Variants in ATG10 observed in about 807,000 individuals in gnomAD.
The protein encoded by ATG10 is autophagy related 10.
Under a neutral mutation model 32.1 loss-of-function variants are expected in ATG10, and 30 were observed. That is an observed-to-expected ratio of 0.94 (90% CI 0.70 to 1.27). ATG10 has a LOEUF of 1.27. Among genes scored for constraint, ATG10 ranks in the 50% most tolerant of loss-of-function variants. ATG10 has a pLI of 0.00. For synonymous variants in ATG10, 87 were observed against 91.5 expected, an observed-to-expected ratio of 0.95 and a Z score of 0.28; for missense variants, 233 against 262.3, an observed-to-expected ratio of 0.89 and a Z score of 0.77.
At chr5:82,021,350 A>G (rs1236111020) in intron 2 of ATG10, among the ~76,000 whole-genome samples, 1 of 152,010 alleles carries the variant, frequency 6.6e-6, no homozygotes, top group Non-Finnish European at 1.5e-5. Flanking sequence ...CCCTGGGGGG[A>G]TTGGATCCAG....
intron 3 of ATG10, among the ~76,000 whole-genome samples, chr5:82,099,534 G>A (rs1282531220): frequency 6.6e-6 from 1 of 151,962 alleles, no homozygotes; most frequent in African/African-American, 2.4e-5. Flanking sequence ...TGACAATGAA[G>A]GTAATATCCA....
intron 2 of ATG10, among the ~76,000 whole-genome samples, chr5:82,013,523 A>T (rs1446638844): frequency 5.3e-5 from 8 of 152,146 alleles, no homozygotes; most frequent in Admixed American, 2.0e-4. Context: ...CTCTGAGTAG[A>T]TACCCAGGTT....
chr5:81,980,493 T>C (rs1333522510), intron 1 of ATG10, among the ~76,000 whole-genome samples: 2 of 152,192 alleles, frequency 1.3e-5, no homozygotes, highest in East Asian at 1.9e-4. Flanking sequence ...CTCTTTATGT[T>C]AGCTTGGAAA....
chr5:82,175,814 A>G (rs1468552615), intron 4 of ATG10, among the ~76,000 whole-genome samples: 1 of 151,834 alleles, frequency 6.6e-6, no homozygotes, highest in African/African-American at 2.4e-5. Flanking sequence ...TCACCATAGT[A>G]TGTATCACCT....
chr5:82,044,629 A>G (rs1371025347), intron 2 of ATG10, among the ~76,000 whole-genome samples: 1 of 152,066 alleles, frequency 6.6e-6, no homozygotes, highest in Non-Finnish European at 1.5e-5. Flanking sequence ...CAAGGGTTGA[A>G]TTGCGACGGC....
chr5:82,038,971 G>A (rs943188534), intron 2 of ATG10, among the ~76,000 whole-genome samples: 3 of 152,104 alleles, frequency 2.0e-5, no homozygotes, highest in South Asian at 2.1e-4. Flanking sequence ...CCTCAGCCTC[G>A]TGAGTAGCTG....
At chr5:81,975,677 C>T (rs1267816904) in intron 1 of ATG10, among the ~76,000 whole-genome samples, 3 of 149,126 alleles carry the variant, frequency 2.0e-5, no homozygotes, top group African/African-American at 7.6e-5. Flanking sequence ...GTGAGACCCC[C>T]CTCTCAAAAA....
chr5:82,235,290 G>A (rs1396058574), intron 5 of ATG10, among the ~76,000 whole-genome samples: 1 of 152,158 alleles, frequency 6.6e-6, no homozygotes, highest in Non-Finnish European at 1.5e-5. Flanking sequence ...TCACAGATTT[G>A]GAGTGGGTTC....
intron 3 of ATG10, among the ~76,000 whole-genome samples, chr5:82,154,733 C>A (rs1199005714): frequency 6.6e-6 from 1 of 152,210 alleles, no homozygotes; most frequent in Non-Finnish European, 1.5e-5. Flanking sequence ...TATTTAAAAG[C>A]AACAACCACA....
chr5:82,162,050 A>G (rs1743370537), intron 3 of ATG10, among the ~76,000 whole-genome samples: 1 of 152,140 alleles, frequency 6.6e-6, no homozygotes, highest in Non-Finnish European at 1.5e-5. Context: ...GTTGAAAGAA[A>G]ACAGAAAGTG....
chr5:81,973,139 CT>C (rs539043941), intron 1 of ATG10: 12 of 151,922 alleles, frequency 7.9e-5, no homozygotes, highest in Admixed American at 2.0e-4. Context: ...TTTTTCTTTT[CT>C]TTTTTTTGAG....
intron 5 of ATG10, among the ~76,000 whole-genome samples, chr5:82,235,717 G>A (rs1460132120): frequency 6.6e-6 from 1 of 152,190 alleles, no homozygotes; most frequent in Non-Finnish European, 1.5e-5. Context: ...TTTTTTTAAA[G>A]TGGATGTTTT....
At chr5:82,090,923 A>G (rs966401459) in intron 3 of ATG10, among the ~76,000 whole-genome samples, 1 of 152,210 alleles carries the variant, frequency 6.6e-6, no homozygotes, top group African/African-American at 2.4e-5. Flanking sequence ...GCTTTTTAAT[A>G]TAATTAGGAA....
At chr5:81,997,921 C>T (rs187972979) in intron 2 of ATG10, among the ~76,000 whole-genome samples, 2 of 152,270 alleles carry the variant, frequency 1.3e-5, no homozygotes, top group East Asian at 3.9e-4. Flanking sequence ...TCATTGGTAT[C>T]CCTGAAAGAG....
At chr5:82,244,284 T>G (rs992919195) in intron 5 of ATG10, among the ~76,000 whole-genome samples, 4 of 152,204 alleles carry the variant, frequency 2.6e-5, no homozygotes, top group Non-Finnish European at 5.9e-5. Flanking sequence ...AGTCAGGAAC[T>G]ATCTTAGACA....
At chr5:82,119,236 A>G (rs1765943906) in intron 3 of ATG10, among the ~76,000 whole-genome samples, 2 of 152,162 alleles carry the variant, frequency 1.3e-5, no homozygotes, top group Admixed American at 1.3e-4. Flanking sequence ...GCAGTGTATA[A>G]TCTGTTTTTT....
At chr5:81,983,270 TG>T (rs1761121812) in intron 1 of ATG10, among the ~76,000 whole-genome samples, 1 of 132,796 alleles carries the variant, frequency 7.5e-6, no homozygotes, top group African/African-American at 2.9e-5. Context: ...ACGGGGTGGC[TG>T]GCTGGGCGGG....
At chr5:82,058,722 A>G in intron 3 of ATG10, 120 bp downstream of exon 3, 1 of 593,774 alleles carries the variant, frequency 1.7e-6, no homozygotes, top group Admixed American at 2.9e-5. Flanking sequence ...TATGGCACTC[A>G]TATTGAAATA....
chr5:82,253,565 A>G, intron 7 of ATG10, 136 bp downstream of exon 7: 1 of 634,798 alleles, frequency 1.6e-6, no homozygotes, highest in South Asian at 1.9e-5. Flanking sequence ...TTAGTTTTCC[A>G]ATCAGTCCCC....
Sources: gnomAD v4.1 joint callset for allele counts (sites outside exome capture counted in the v4.1 genomes callset) on GRCh38, gnomAD v4.1.1 for gene constraint, MANE v1.5 for transcripts, NCBI Gene and HGNC (gene_info 2026-07-23, HGNC 2026-07-21) for gene names.